GRB7: variants seen among roughly 807,000 people sequenced by gnomAD.
The protein encoded by GRB7 is growth factor receptor-bound protein 7.
A neutral mutation model predicts 64.1 loss-of-function variants in GRB7; 47 were observed. That is an observed-to-expected ratio of 0.73 (90% CI 0.58 to 0.94). The LOEUF is 0.94. Ranked by LOEUF, GRB7 falls within the 40% of genes least tolerant of loss-of-function variation. GRB7 has a pLI of 0.00. For missense variants in GRB7, 634 were observed against 718.4 expected (o/e 0.88, Z 1.34); for synonymous variants, 277 against 279.9 (o/e 0.99, Z 0.10).
In GRB7 at chr17:39,742,367, G is replaced by T; in HGVS notation, c.66G>T (p.Gly22=). ...SSPEDLCPAP[G]TPPGTPRPPD... ...CGGAAGACCTTTGCCCAGCCCCTGG[G>T]ACCCCTCCTGGGACTCCCCGGCCCC... The change falls in exon 2 of 15, where the codon GGG becomes GGT. Residue 22 remains glycine (G), a synonymous_variant. Coordinates refer to ENST00000309156, the MANE Select transcript of GRB7 (RefSeq NM_005310.5). 6.2e-7 allele frequency: 1 copy of T among 1,613,900 alleles called. No individual in the cohort carries two copies. The highest frequency in any genetic ancestry group is 1.3e-5 in the African/African-American group (1 of 75,010).
At chr17:39,745,149 CCCTGGTCTGGGCAAGT>C in intron 9 of GRB7, 78 bp from the exon 10 acceptor site, 1 of 1,222,964 alleles carries the variant, frequency 8.2e-7, no homozygotes, top group South Asian at 1.4e-5. Context: ...AGAAACACAG[CCCTGGTCTGGGCAAGT>C]CCTGGTCTGA....
In GRB7 at chr17:39,743,918, G is replaced by C. The variant is rs551125288; in HGVS notation, c.664-152G>C. ...TGAGGTGGGAGGATCACTTGAGCTC[G>C]GGAGGTCGAGGTTGCAGTGAGCTGT... On this transcript the variant is annotated intron_variant, in intron 6 of 14. Coordinates refer to ENST00000309156, the MANE Select transcript of GRB7 (RefSeq NM_005310.5). 3 of 892,184 alleles carry C rather than the reference G, an allele frequency of 3.4e-6. No individual in the cohort carries two copies. In the South Asian group the frequency reaches 5.4e-5, roughly 16 times the overall value. The allele number at this position is 892,184 out of a possible 1,614,324, so 55.3% of individuals were successfully genotyped here. A position where few individuals can be genotyped will look rare whatever the true frequency, so the allele number is the denominator to read the frequency against.
At chr17:39,745,182 C>T (rs555828074) in intron 9 of GRB7, 61 bp from the exon 10 acceptor site, 163 of 1,393,566 alleles carry the variant, frequency 1.2e-4, no homozygotes, top group Middle Eastern at 1.1e-3. Context: ...CTGAGGGGGG[C>T]GTCACAGCCA....
At position 39,745,849 on chromosome 17, in the gene GRB7, T is replaced by G. The variant is rs1402116235; in HGVS notation, c.1270+61T>G. The G allele has an allele frequency of 2.5e-6, 4 of 1,612,224 alleles. No homozygotes were observed. In the Middle Eastern group the frequency reaches 5.0e-4, roughly 200 times the overall value. ...CCTCAACTTCTCTTTGTATTCCCAG[T>G]GGGGAGTAGATGGTATAGGGGTCCC... On this transcript the variant is annotated intron_variant, in intron 12 of 14. Transcript: ENST00000309156.
At position 39,747,207 on chromosome 17, in the gene GRB7, C is replaced by T. The variant is rs1040767318; in HGVS notation, c.*310C>T. On this transcript the variant is annotated 3_prime_UTR_variant, in exon 15 of 15. Coordinates refer to ENST00000309156, the MANE Select transcript of GRB7 (RefSeq NM_005310.5). ...GGGGCAGCCCAGGCGGTTTCACGCC[C>T]CACACTTTGTACAGACCGAGAGGCC... 4 of 438,196 alleles carry T rather than the reference C, an allele frequency of 9.1e-6. No homozygotes were observed. The highest frequency in any genetic ancestry group is 6.0e-5 in the African/African-American group (3 of 50,050). The allele number at this position is 438,196 out of a possible 1,614,324, so 27.1% of individuals were successfully genotyped here.
rs1171884022 is a variant in GRB7 at position 39,747,203 on chromosome 17, C to T, written c.*306C>T. The T allele has an allele frequency of 4.3e-5, 19 of 440,296 alleles. No individual in the cohort carries two copies. Among genetic ancestry groups the T allele is most frequent in the Non-Finnish European group, 6.1e-5 (15 of 246,274 alleles). The allele number at this position is 440,296 out of a possible 1,614,324, so 27.3% of individuals were successfully genotyped here. Reference sequence around the variant, plus strand: ...AGTGGGGGCAGCCCAGGCGGTTTCACGCCCCACACTTTGTACAGACCGAGA... The same window carrying T: ...AGTGGGGGCAGCCCAGGCGGTTTCATGCCCCACACTTTGTACAGACCGAGA... On this transcript the variant is annotated 3_prime_UTR_variant, in exon 15 of 15. Transcript: ENST00000309156.
Position 39,742,999 on chromosome 17 carries a change from C to A in GRB7, c.408C>A (p.His136Gln), listed in dbSNP as rs753650850. 6.2e-7 allele frequency: 1 copy of A among 1,612,804 alleles called. No homozygotes were observed. Among genetic ancestry groups the A allele is most frequent in the East Asian group, 2.2e-5 (1 of 44,860 alleles). Reference sequence around the variant, plus strand: ...GTGAAATGCTGGTGCAGCGAGCTCACGCCTTGAGCGACGAGACCTGGGGGC... The same window carrying A: ...GTGAAATGCTGGTGCAGCGAGCTCAAGCCTTGAGCGACGAGACCTGGGGGC... ...HVCEMLVQRA[H>Q]ALSDETWGLV... Residue 136 changes from histidine to glutamine, a missense_variant, in exon 4 of 15, where the codon CAC (histidine) becomes CAA (glutamine). Coordinates refer to ENST00000309156, the MANE Select transcript of GRB7 (RefSeq NM_005310.5).
intron 6 of GRB7, among the ~76,000 whole-genome samples, chr17:39,743,791 T>TG (rs1242947318): frequency 8.2e-6 from 1 of 121,916 alleles, no homozygotes; most frequent in Non-Finnish European, 1.6e-5. Context: ...GAGACCAGCC[T>TG]GGGCAACATA....
chr17:39,739,102 G>C (rs1038953023), intron 1 of GRB7: 25 of 510,330 alleles, frequency 4.9e-5, no homozygotes, highest in Admixed American at 2.0e-4. Flanking sequence ...CTCCCTGGCA[G>C]ATTGAGGACA....
At chr17:39,746,403 GC>G (rs2060047094) in intron 14 of GRB7, among the ~76,000 whole-genome samples, 1 of 152,128 alleles carries the variant, frequency 6.6e-6, no homozygotes, top group Non-Finnish European at 1.5e-5. Flanking sequence ...AATGGCTTGA[GC>G]CCAGGAGTTC....
At position 39,745,484 on chromosome 17, in the gene GRB7, T is replaced by G. The variant is rs1489345840; in HGVS notation, c.1155T>G (p.Ile385Met). ...TCTCTGGCCATGCTGGGCGTGTCAT[T>G]GAGAACCCCCGGGAGGCTCTGAGTG... The part of the protein sequence containing the change: ...MDFSGHAGRV[I>M]ENPREALSVA... Residue 385 changes from isoleucine to methionine, a missense_variant, in exon 11 of 15, where the codon ATT becomes ATG. Physicochemically the swap from Ile to Met is conservative, Grantham distance 10 (BLOSUM62 1). This residue lies in a region of GRB7 where 467 missense variants were observed against 576.6 expected (regional missense o/e 0.81). Transcript: ENST00000309156. The G allele has an allele frequency of 6.2e-7, 1 of 1,614,012 alleles. No individual in the cohort carries two copies. The highest frequency in any genetic ancestry group is 8.5e-7 in the Non-Finnish European group (1 of 1,179,998).
intron 1 of GRB7, among the ~76,000 whole-genome samples, chr17:39,740,766 G>A (rs1419534087): frequency 6.6e-6 from 1 of 152,214 alleles, no homozygotes. Flanking sequence ...CCTAAGCCAG[G>A]AAGTTGTGTG....
rs147188188 is a variant in GRB7 at position 39,744,974 on chromosome 17, G to C, written c.1001G>C (p.Arg334Pro). Residue 334 changes from arginine (R) to proline (P), a missense_variant, in exon 9 of 15, where the codon CGC becomes CCC. By Grantham distance (103) the Arg-to-Pro change is moderately radical. This residue lies in a region of GRB7 where 467 missense variants were observed against 576.6 expected (regional missense o/e 0.81). Coordinates refer to ENST00000309156, the MANE Select transcript of GRB7 (RefSeq NM_005310.5). The part of the protein sequence containing the change: ...QSRTCWLAAF[R>P]LFKYGVQLYK... ...CGCACCTGCTGGCTGGCTGCCTTCC[G>C]CCTCTTCAAGGTGAGACCCTGGGAG... 1 of 1,613,154 alleles carries C rather than the reference G, an allele frequency of 6.2e-7. No individual in the cohort carries two copies. The highest frequency in any genetic ancestry group is 1.7e-5 in the Admixed American group (1 of 60,004).
Position 39,742,264 on chromosome 17 carries a change from C to T in GRB7, c.-38C>T, listed in dbSNP as rs749947994. ...CCCCTCTCCCCAGGACAAGGGCACA[C>T]AACTGGTTCCGTTAAGCCCCTCTCT... On this transcript the variant is annotated 5_prime_UTR_variant, in exon 2 of 15. Coordinates refer to ENST00000309156, the MANE Select transcript of GRB7 (RefSeq NM_005310.5). 6.2e-7 allele frequency: 1 copy of T among 1,613,414 alleles called. No homozygotes were observed. Among genetic ancestry groups the T allele is most frequent in the Non-Finnish European group, 8.5e-7 (1 of 1,179,438 alleles).
chr17:39,740,099 G>T, intron 1 of GRB7: 1 of 985,640 alleles, frequency 1.0e-6, no homozygotes, highest in Non-Finnish European at 1.2e-6. Flanking sequence ...CCCACTGTTG[G>T]TCTGTGATTT....
Position 39,745,304 on chromosome 17 carries a change from G to C in GRB7, c.1073G>C (p.Cys358Ser), listed in dbSNP as rs199763373. Residue 358 changes from cysteine to serine, a missense_variant, in exon 10 of 15, where the codon TGT becomes TCT. By Grantham distance (112) the Cys-to-Ser change is moderately radical (BLOSUM62 -1). Coordinates refer to ENST00000309156, the MANE Select transcript of GRB7 (RefSeq NM_005310.5). ...CAGTCTCGCCATCTGCATCCATCTTGTTTGGGCTCCCCACCCTTGGTGAGT... is the reference window on the plus strand; with the variant it reads ...CAGTCTCGCCATCTGCATCCATCTTCTTTGGGCTCCCCACCCTTGGTGAGT... ...QAQSRHLHPS[C>S]LGSPPLRSAS... The C allele has an allele frequency of 4.9e-5, 79 of 1,603,554 alleles. No individual in the cohort carries two copies. The Middle Eastern group carries it at 5.0e-4, about 10-fold the overall frequency.
In GRB7 at chr17:39,743,212, G is replaced by A. The variant is rs759523678; in HGVS notation, c.496G>A (p.Glu166Lys). The A allele has an allele frequency of 1.2e-6, 2 of 1,614,206 alleles. No individual in the cohort carries two copies. The highest frequency in any genetic ancestry group is 1.1e-5 in the South Asian group (1 of 91,092). The change falls in exon 5 of 15, where the codon GAA (glutamate) becomes AAA (lysine). Residue 166 changes from glutamate to lysine, a missense_variant. Transcript: ENST00000309156. ...RGLEDHESVV[E>K]VQAAWPVGGD... ...TTTGGAGGACCACGAGTCCGTGGTG[G>A]AAGTGCAGGCTGCCTGGCCCGTGGG...
At position 39,744,612 on chromosome 17, in the gene GRB7, G is replaced by T. The variant is rs755794524; in HGVS notation, c.861G>T (p.Thr287=). Residue 287 remains threonine, a synonymous_variant, in exon 8 of 15, where the codon ACG becomes ACT. Transcript: ENST00000309156. ...ACGAGTCCAACGTGTACGTGGTGAC[G>T]CAGGGCCGCAAGCTCTACGGGATGC... ...DVNESNVYVV[T]QGRKLYGMPT... is the part of the protein sequence containing the mutation. 3 of 1,611,836 alleles carry T rather than the reference G, an allele frequency of 1.9e-6. No homozygotes were observed. The highest frequency in any genetic ancestry group is 1.7e-4 in the Middle Eastern group (1 of 6,058).
intron 2 of GRB7, 40 bp from the exon 3 acceptor site, chr17:39,742,526 C>T: frequency 6.2e-7 from 1 of 1,613,428 alleles, no homozygotes; most frequent in Non-Finnish European, 8.5e-7. Context: ...GGCCACTGCT[C>T]CCTTCCCCAC....
Sources: allele counts gnomAD v4.1 joint callset (sites outside exome capture counted in the v4.1 genomes callset), GRCh38; gene constraint gnomAD v4.1.1; regional missense constraint gnomAD v4.1.1; transcripts MANE v1.5; gene names NCBI Gene and HGNC (gene_info 2026-07-23, HGNC 2026-07-21).